HMCN1: variants seen among roughly 807,000 people sequenced by gnomAD.
HMCN1 encodes the protein hemicentin 1, also known as hemicentin-1.
A neutral mutation model predicts 625.9 loss-of-function variants in HMCN1; 321 were observed. The observed-to-expected ratio is 0.51, with a 90% CI of 0.47 to 0.56. The LOEUF is 0.56. Among genes scored for constraint, HMCN1 ranks in the 20% least tolerant of loss-of-function variants. The probability of loss-of-function intolerance (pLI) is 0.00; values close to 1 mark genes in which losing one functional copy is unlikely to be tolerated. For synonymous variants in HMCN1, 2,425 were observed against 2,417.6 expected, an observed-to-expected ratio of 1.00 and a Z score of -0.09; for missense variants, 6,588 against 6,887.3, an observed-to-expected ratio of 0.96 and a Z score of 1.54.
At chr1:186,129,834 T>C in intron 83 of HMCN1, 132 bp from the exon 84 acceptor site, 1 of 1,048,474 alleles carries the variant, frequency 9.5e-7, no homozygotes, top group Non-Finnish European at 1.5e-6. Flanking sequence ...TGGAAAAGGC[T>C]CTCTTCTCCA....
At chr1:185,737,745 C>T (rs2102061916) in intron 1 of HMCN1, among the ~76,000 whole-genome samples, 1 of 152,206 alleles carries the variant, frequency 6.6e-6, no homozygotes, top group African/African-American at 2.4e-5. Context: ...ACATCTATCG[C>T]ATTTAGCTAG....
chr1:186,134,770 A>G (rs1450447907), intron 86 of HMCN1, among the ~76,000 whole-genome samples: 6 of 152,168 alleles, frequency 3.9e-5, no homozygotes, highest in Admixed American at 2.0e-4. Context: ...TGAATTATCT[A>G]TTACCTCTCA....
intron 4 of HMCN1, among the ~76,000 whole-genome samples, chr1:185,881,471 C>T (rs1329221936): frequency 2.0e-5 from 3 of 152,182 alleles, no homozygotes; most frequent in Admixed American, 1.3e-4. Context: ...TTCTTCTTCT[C>T]TCTGCCAGCT....
At chr1:185,878,705 C>G (rs561999697) in intron 4 of HMCN1, among the ~76,000 whole-genome samples, 31 of 152,084 alleles carry the variant, frequency 2.0e-4, no homozygotes, top group Non-Finnish European at 4.3e-4. Context: ...CAGTACTTCT[C>G]TCTATCTAAT....
chr1:185,766,145 T>C (rs2102134391), intron 1 of HMCN1, among the ~76,000 whole-genome samples: 1 of 152,300 alleles, frequency 6.6e-6, no homozygotes, highest in East Asian at 1.9e-4. Context: ...CAAAGTTCTA[T>C]ATCTGGAAAC....
intron 36 of HMCN1, 107 bp from the exon 37 acceptor site, chr1:186,037,827 G>A (rs1023146055): frequency 4.1e-6 from 3 of 733,158 alleles, no homozygotes; most frequent in African/African-American, 3.5e-5. Context: ...GTGTATATAT[G>A]TGAAAAAAAG....
At chr1:186,082,261 A>G (rs1219044258) in intron 56 of HMCN1, among the ~76,000 whole-genome samples, 1 of 152,192 alleles carries the variant, frequency 6.6e-6, no homozygotes, top group Non-Finnish European at 1.5e-5. Context: ...TAATGACTTG[A>G]AACAGTAAGC....
chr1:186,057,426 T>TACGGTAACAATTGTTGTTACCGTA, intron 46 of HMCN1, 25 bp downstream of exon 46: 1 of 1,498,534 alleles, frequency 6.7e-7, no homozygotes, highest in Non-Finnish European at 9.3e-7. Flanking sequence ...GGTAGCCTTA[T>TACGGTAACAATTGTTGTTACCGTA]AATCTTGTTA....
At position 186,087,553 on chromosome 1, in the gene HMCN1, A is replaced by C. The variant is rs1416064573; in HGVS notation, c.9271A>C (p.Ile3091Leu). Residue 3091 changes from isoleucine (I) to leucine (L), a missense_variant, in exon 60 of 107, where the codon ATC becomes CTC. Transcript: ENST00000271588. ...CESNAVPPPVITWYKNGRMIT... is the reference protein window; with the variant it reads ...CESNAVPPPVLTWYKNGRMIT... ...GTCGAACGCTGTGCCACCTCCAGTCATCACTTGGTATAAGAATGGGCGGAT... is the reference window on the plus strand; with the variant it reads ...GTCGAACGCTGTGCCACCTCCAGTCCTCACTTGGTATAAGAATGGGCGGAT... 6.2e-7 allele frequency: 1 copy of C among 1,613,342 alleles called. No individual in the cohort carries two copies.
intron 4 of HMCN1, among the ~76,000 whole-genome samples, chr1:185,903,006 G>T (rs1339009121): frequency 6.6e-6 from 1 of 151,238 alleles, no homozygotes; most frequent in East Asian, 1.9e-4. Flanking sequence ...AAAAGATTCA[G>T]TGAGAGACAT....
intron 1 of HMCN1, among the ~76,000 whole-genome samples, chr1:185,836,730 G>T (rs923401881): frequency 2.6e-5 from 4 of 152,070 alleles, no homozygotes; most frequent in East Asian, 1.9e-4. Context: ...TTCATCACCC[G>T]GGTGATAAGC....
At chr1:185,810,578 C>T (rs1318558235) in intron 1 of HMCN1, among the ~76,000 whole-genome samples, 2 of 152,088 alleles carry the variant, frequency 1.3e-5, no homozygotes, top group East Asian at 1.9e-4. Context: ...AAAATGGACT[C>T]GATTTAATCC....
chr1:186,078,075 G>C, intron 54 of HMCN1, 32 bp from the exon 55 acceptor site: 1 of 1,475,702 alleles, frequency 6.8e-7, no homozygotes, highest in South Asian at 1.1e-5. Context: ...TCTAAGATTA[G>C]AGGAGTAAAC....
At position 186,015,501 on chromosome 1, in the gene HMCN1, C is replaced by T. The variant is rs529768955; in HGVS notation, c.4909+64C>T. 1.0e-4 allele frequency: 153 copies of T among 1,457,254 alleles called. 3 individuals carry two copies. The South Asian group carries it at 1.5e-3, about 14-fold the overall frequency. 90.3% of individuals were successfully genotyped at this position (1,457,254 alleles called of 1,614,324 possible). On this transcript the variant is annotated intron_variant, in intron 31 of 106. Coordinates refer to ENST00000271588, the MANE Select transcript of HMCN1 (RefSeq NM_031935.3). ...CCTATGCTTTCTAATAGGCAAATAT[C>T]GAATTTATTCACTAATAGTCCTTGG...
At position 185,887,935 on chromosome 1, in the gene HMCN1, G is replaced by C. The variant is rs1457198725; in HGVS notation, c.622-21402G>C. On this transcript the variant is annotated intron_variant, in intron 4 of 106. Coordinates refer to ENST00000271588, the MANE Select transcript of HMCN1 (RefSeq NM_031935.3). Reference sequence around the variant, plus strand: ...TTACAGTCCCAGCAACAGTGTAAAAGTGTTCCTATTTCTCCACATCCTCTC... The same window carrying C: ...TTACAGTCCCAGCAACAGTGTAAAACTGTTCCTATTTCTCCACATCCTCTC... Among the ~76,000 whole-genome samples the C allele has an allele frequency of 5.6e-5, 8 of 143,938 alleles. No individual in the cohort carries two copies. In the East Asian group the frequency reaches 1.6e-3, roughly 28 times the overall value. 94.4% of individuals were successfully genotyped at this position (143,938 alleles called of 152,430 possible). A position where few individuals can be genotyped will look rare whatever the true frequency, so the allele number is the denominator to read the frequency against.
chr1:186,088,750 T>A lies in HMCN1; in HGVS notation c.9722T>A (p.Ile3241Asn). ...GKAQKYYFLS[I>N]QVPPSVAGAE... ...GCCCAGAAATATTACTTTCTTTCAA[T>A]TCAAGGTATGTATTGTCCACTATGA... Residue 3241 changes from isoleucine to asparagine, a missense_variant, in exon 63 of 107, where the codon ATT (isoleucine) becomes AAT (asparagine). Ile to Asn is a moderately radical substitution (Grantham distance 149, BLOSUM62 -3). Around this residue, in one of 3 missense-constraint regions of HMCN1, gnomAD observed 4,628 missense variants for 4,853.1 expected, o/e 0.95. Transcript: ENST00000271588. 6.2e-7 allele frequency: 1 copy of A among 1,606,912 alleles called. No homozygotes were observed. Among genetic ancestry groups the A allele is most frequent in the Non-Finnish European group, 8.5e-7 (1 of 1,175,302 alleles).
chr1:185,827,028 T>C (rs1481142681), intron 1 of HMCN1, among the ~76,000 whole-genome samples: 1 of 151,624 alleles, frequency 6.6e-6, no homozygotes, highest in African/African-American at 2.4e-5. Flanking sequence ...TAAAAAAAAT[T>C]GGCTGGGCGT....
chr1:186,095,518 C>T lies in HMCN1; in HGVS notation c.10570C>T (p.Leu3524=), dbSNP rs763321496. The T allele has an allele frequency of 1.2e-6, 2 of 1,613,174 alleles. No homozygotes were observed. Among genetic ancestry groups the T allele is most frequent in the South Asian group, 1.1e-5 (1 of 91,024 alleles). ...CAGCAAGCACTTTATCCTCAAGGTC[C>T]TAGGTATGTAAACATTGTGGTAAAT... ...EVSKHFILKV[L]EPPHINGSEE... Residue 3524 remains leucine, a synonymous_variant, in exon 68 of 107, where the codon CTA becomes TTA. Transcript: ENST00000271588.
chr1:186,123,812 T>A (rs1661514229), intron 81 of HMCN1, among the ~76,000 whole-genome samples: 1 of 152,210 alleles, frequency 6.6e-6, no homozygotes, highest in Non-Finnish European at 1.5e-5. Context: ...AATACCAGAT[T>A]AAACTGCTTC....
Sources: gnomAD v4.1 joint callset for allele counts (sites outside exome capture counted in the v4.1 genomes callset) on GRCh38, gnomAD v4.1.1 for gene constraint, gnomAD v4.1.1 regional missense constraint, MANE v1.5 for transcripts, NCBI Gene and HGNC (gene_info 2026-07-23, HGNC 2026-07-21) for gene names.